PIGS: variants seen among roughly 807,000 people sequenced by gnomAD.
PIGS encodes the protein GPI-anchor transamidase component PIGS.
Under a neutral mutation model 58.2 loss-of-function variants are expected in PIGS, and 37 were observed. The observed-to-expected ratio is 0.64, with a 90% CI of 0.49 to 0.84. The LOEUF (loss-of-function observed/expected upper bound fraction) is 0.84. Ranked by LOEUF, PIGS falls within the 40% of genes least tolerant of loss-of-function variation. PIGS has a pLI of 0.00. For synonymous variants in PIGS, 269 were observed against 289.2 expected (o/e 0.93, Z 0.71); for missense variants, 629 against 710.8 (o/e 0.88, Z 1.31).
intron 7 of PIGS, among the ~76,000 whole-genome samples, chr17:28,559,572 G>A (rs545554883): frequency 6.6e-6 from 1 of 151,834 alleles, no homozygotes; most frequent in East Asian, 2.0e-4. Flanking sequence ...ATGGTGGCAC[G>A]CACCTGTAAT....
Position 28,558,529 on chromosome 17 carries a change from T to C in PIGS, c.881A>G (p.Tyr294Cys), listed in dbSNP as rs781469685. Residue 294 changes from tyrosine (Y) to cysteine (C), a missense_variant, in exon 8 of 12, where the codon TAT (tyrosine) becomes TGT (cysteine). Tyr to Cys is a radical substitution (Grantham distance 194). Transcript: ENST00000308360. ...ATGGGGGAGGCTGTGCATGTCCAAATAGTAGCTGGAGGAAGCTGAGTCAAA... is the reference window on the plus strand; with the variant it reads ...ATGGGGGAGGCTGTGCATGTCCAAACAGTAGCTGGAGGAAGCTGAGTCAAA... Reference protein sequence around the residue: ...PRFDSASSSYYLDMHSLPHVI... With the variant: ...PRFDSASSSYCLDMHSLPHVI... 9.9e-6 allele frequency: 16 copies of C among 1,613,048 alleles called. No homozygotes were observed. The highest frequency in any genetic ancestry group is 9.4e-5 in the African/African-American group (7 of 74,850).
chr17:28,564,843 C>A (rs766295433), intron 3 of PIGS, among the ~76,000 whole-genome samples: 1 of 152,070 alleles, frequency 6.6e-6, no homozygotes, highest in Non-Finnish European at 1.5e-5. Flanking sequence ...GGCACCACTG[C>A]ACTCCAGCCA....
At chr17:28,568,248 G>A (rs570242864) in intron 3 of PIGS, among the ~76,000 whole-genome samples, 9 of 152,012 alleles carry the variant, frequency 5.9e-5, no homozygotes, top group East Asian at 5.8e-4. Context: ...GATTACAGGC[G>A]CCCGCCACCA....
In PIGS at chr17:28,563,287, C is replaced by T. The variant is rs564424318; in HGVS notation, c.468+144G>A. The T allele has an allele frequency of 1.7e-5, 11 of 641,684 alleles. No individual in the cohort carries two copies. The Middle Eastern group carries it at 1.2e-3, about 68-fold the overall frequency. 39.7% of individuals were successfully genotyped at this position (641,684 alleles called of 1,614,324 possible). A position where few individuals can be genotyped will look rare whatever the true frequency, so the allele number is the denominator to read the frequency against. ...CAGCCTAGGCAACAGAGCAAGACTCCGTCTCAAAAAAAAAAAAATTTTTTT... is the reference window on the plus strand; with the variant it reads ...CAGCCTAGGCAACAGAGCAAGACTCTGTCTCAAAAAAAAAAAAATTTTTTT... On this transcript the variant is annotated intron_variant, in intron 5 of 11. Coordinates refer to ENST00000308360, the MANE Select transcript of PIGS (RefSeq NM_033198.4).
In PIGS at chr17:28,560,132, C is replaced by A; in HGVS notation, c.736G>T (p.Asp246Tyr). 6.2e-7 allele frequency: 1 copy of A among 1,613,358 alleles called. No homozygotes were observed. Among genetic ancestry groups the A allele is most frequent in the Non-Finnish European group, 8.5e-7 (1 of 1,179,716 alleles). ...TAGCGCCGGACAGCCCCCTCAATGT[C>A]CCAGTAGACATCATGGGACTTGGGG... The part of the protein sequence containing the change: ...PDPKSHDVYW[D>Y]IEGAVRRYVQ... The change falls in exon 7 of 12, where the codon GAC (aspartate) becomes TAC (tyrosine). Residue 246 changes from aspartate to tyrosine, a missense_variant. By Grantham distance (160) the Asp-to-Tyr change is radical. Transcript: ENST00000308360.
chr17:28,563,639 T>G (rs2070378226), intron 4 of PIGS, 117 bp from the exon 5 acceptor site: 2 of 1,224,322 alleles, frequency 1.6e-6, no homozygotes, highest in Non-Finnish European at 2.4e-6. Flanking sequence ...TGGTCAGGCT[T>G]GGGTAAGCCA....
At chr17:28,561,706 C>G in intron 5 of PIGS, 77 bp from the exon 6 acceptor site, 1 of 1,435,672 alleles carries the variant, frequency 7.0e-7, no homozygotes, top group Non-Finnish European at 9.4e-7. Context: ...CCTACTGTTC[C>G]GAATCTGCCC....
At chr17:28,559,268 C>A (rs2070348621) in intron 7 of PIGS, among the ~76,000 whole-genome samples, 1 of 152,074 alleles carries the variant, frequency 6.6e-6, no homozygotes, top group African/African-American at 2.4e-5. Context: ...AGCCGCCGCA[C>A]CTGGCCCTTC....
chr17:28,556,538 G>A, intron 9 of PIGS: 1 of 721,890 alleles, frequency 1.4e-6, no homozygotes, highest in Non-Finnish European at 2.5e-6. Flanking sequence ...AGGGAGACAA[G>A]GCTCCCAACC....
Position 28,571,013 on chromosome 17 carries a change from G to A in PIGS, c.174+36C>T, listed in dbSNP as rs774442971. ...TCACTGAGTCTCCACCTTGCCGGGG[G>A]GGCTGTCCCCCGACCCTCCCGCACA... On this transcript the variant is annotated intron_variant, in intron 2 of 11. Transcript: ENST00000308360. 19 of 1,614,146 alleles carry A rather than the reference G, an allele frequency of 1.2e-5. No homozygotes were observed. In the South Asian group the frequency reaches 2.0e-4, roughly 17 times the overall value.
chr17:28,569,061 C>T (rs1001765644), intron 3 of PIGS, among the ~76,000 whole-genome samples: 8 of 148,326 alleles, frequency 5.4e-5, no homozygotes, highest in Admixed American at 3.4e-4. Flanking sequence ...CGTGCCATTG[C>T]GCTCCAGCCT....
At position 28,561,518 on chromosome 17, in the gene PIGS, A is replaced by G. The variant is rs1567616009; in HGVS notation, c.580T>C (p.Ser194Pro). The change falls in exon 6 of 12, where the codon TCT (serine) becomes CCT (proline). Residue 194 changes from serine to proline, a missense_variant. Coordinates refer to ENST00000308360, the MANE Select transcript of PIGS (RefSeq NM_033198.4). ...GCAGCAAGCACATCCTCAGTCAAAG[A>G]CATGGCCTGGGCCACCTGGACTATG... ...RRIVQVAQAM[S>P]LTEDVLAAAL... The G allele has an allele frequency of 6.2e-7, 1 of 1,614,098 alleles. No homozygotes were observed. The highest frequency in any genetic ancestry group is 2.2e-5 in the East Asian group (1 of 44,882).
chr17:28,559,272 G>A (rs1361209613), intron 7 of PIGS, among the ~76,000 whole-genome samples: 1 of 151,890 alleles, frequency 6.6e-6, no homozygotes, highest in African/African-American at 2.4e-5. Context: ...GCCGCACCTG[G>A]CCCTTCACAT....
At chr17:28,557,891 G>A (rs2070340581) in intron 8 of PIGS, among the ~76,000 whole-genome samples, 1 of 152,218 alleles carries the variant, frequency 6.6e-6, no homozygotes, top group African/African-American at 2.4e-5. Flanking sequence ...TCTCCTAGAT[G>A]GCTTTTAGGG....
At position 28,553,509 on chromosome 17, in the gene PIGS, T is replaced by G. The variant is rs1454147368; in HGVS notation, c.*711A>C. On this transcript the variant is annotated 3_prime_UTR_variant, in exon 12 of 12. Coordinates refer to ENST00000308360, the MANE Select transcript of PIGS (RefSeq NM_033198.4). Reference sequence around the variant, plus strand: ...TAAGGGAGACATCATCAGTGCCATTTGAACAAATGAAAAACTGAGGCTCAG... The same window carrying G: ...TAAGGGAGACATCATCAGTGCCATTGGAACAAATGAAAAACTGAGGCTCAG... The G allele has an allele frequency of 6.5e-6, 1 of 152,830 alleles. No homozygotes were observed. The allele number at this position is 152,830 out of a possible 1,614,324, so 9.5% of individuals were successfully genotyped here.
chr17:28,571,283 G>A (rs966781624), intron 1 of PIGS, 95 bp from the exon 2 acceptor site: 1 of 1,539,768 alleles, frequency 6.5e-7, no homozygotes, highest in Non-Finnish European at 8.8e-7. Flanking sequence ...GGCCTCCAGG[G>A]GCCCGCGTTC....
chr17:28,560,544 G>A (rs1359442702), intron 6 of PIGS, among the ~76,000 whole-genome samples: 7 of 152,102 alleles, frequency 4.6e-5, no homozygotes, highest in East Asian at 1.9e-4. Flanking sequence ...TTGGGAGGCC[G>A]AGGCAGGCAG....
In PIGS at chr17:28,563,423, T is replaced by C. The variant is rs927721139; in HGVS notation, c.468+8A>G. On this transcript the variant is annotated splice_region_variant and intron_variant, in intron 5 of 11. Coordinates refer to ENST00000308360, the MANE Select transcript of PIGS (RefSeq NM_033198.4). ...TAAGGCAAAGTCGCAGCCTCTCTGT[T>C]ACCTTACCTGGGGAAGAAGTGAGGA... 3 of 1,612,570 alleles carry C rather than the reference T, an allele frequency of 1.9e-6. No individual in the cohort carries two copies. In the African/African-American group the frequency reaches 4.0e-5, roughly 22 times the overall value.
chr17:28,563,752 GCA>G, intron 4 of PIGS, 64 bp downstream of exon 4: 1 of 1,478,296 alleles, frequency 6.8e-7, no homozygotes, highest in Non-Finnish European at 9.4e-7. Flanking sequence ...TGGGAACTAT[GCA>G]CTTAGAGATC....
Sources: gnomAD v4.1 joint callset for allele counts (sites outside exome capture counted in the v4.1 genomes callset) on GRCh38, gnomAD v4.1.1 for gene constraint, MANE v1.5 for transcripts, NCBI Gene and HGNC (gene_info 2026-07-23, HGNC 2026-07-21) for gene names.